KCNJ6: variants seen among roughly 807,000 people sequenced by gnomAD.
KCNJ6 encodes potassium inwardly rectifying channel subfamily J member 6, also known as G protein-activated inward rectifier potassium channel 2.
KCNJ6 carries 9 observed loss-of-function variants against 34.2 expected under a neutral mutation model. The observed-to-expected ratio is 0.26, with a 90% CI of 0.16 to 0.46. The LOEUF is 0.46. KCNJ6 is among the 20% of genes least tolerant of loss of function. KCNJ6 has a pLI of 1.00. For synonymous variants in KCNJ6, 196 were observed against 207.1 expected (o/e 0.95, Z 0.46); for missense variants, 236 against 531.3 (o/e 0.44, Z 5.46).
chr21:37,903,209 G>A (rs2055825003), intron 1 of KCNJ6, among the ~76,000 whole-genome samples: 1 of 152,166 alleles, frequency 6.6e-6, no homozygotes, highest in African/African-American at 2.4e-5. Context: ...TGTCAAGGGT[G>A]GGGCCAGGTG....
chr21:37,909,028 G>A (rs931204503), intron 1 of KCNJ6, among the ~76,000 whole-genome samples: 4 of 152,122 alleles, frequency 2.6e-5, no homozygotes, highest in Non-Finnish European at 4.4e-5. Context: ...TTCTAGGCCC[G>A]GATCATTAAA....
At chr21:37,646,966 C>A (rs1284666630) in intron 3 of KCNJ6, among the ~76,000 whole-genome samples, 1 of 152,174 alleles carries the variant, frequency 6.6e-6, no homozygotes, top group Non-Finnish European at 1.5e-5. Context: ...AGCCACCGTG[C>A]CTGGCCAAGT....
At chr21:37,774,142 G>A (rs1466004820) in intron 2 of KCNJ6, among the ~76,000 whole-genome samples, 5 of 152,154 alleles carry the variant, frequency 3.3e-5, no homozygotes, top group African/African-American at 4.8e-5. Flanking sequence ...AGGTAAGAGT[G>A]AGGGTTCTGG....
At chr21:37,872,864 T>C (rs1210848252) in intron 1 of KCNJ6, among the ~76,000 whole-genome samples, 2 of 152,174 alleles carry the variant, frequency 1.3e-5, no homozygotes, top group Non-Finnish European at 2.9e-5. Flanking sequence ...TGTGTTCTTA[T>C]GAGATCTGCT....
At chr21:37,910,747 G>A (rs2055863271) in intron 1 of KCNJ6, among the ~76,000 whole-genome samples, 1 of 152,114 alleles carries the variant, frequency 6.6e-6, no homozygotes, top group African/African-American at 2.4e-5. Flanking sequence ...GGAGATAATG[G>A]GTTTAATCTG....
intron 1 of KCNJ6, among the ~76,000 whole-genome samples, chr21:37,855,910 G>A (rs912983224): frequency 7.9e-5 from 12 of 152,204 alleles, no homozygotes; most frequent in African/African-American, 1.7e-4. Flanking sequence ...GGCCAAGCAC[G>A]GCCAGGGGCC....
intron 2 of KCNJ6, among the ~76,000 whole-genome samples, chr21:37,821,242 A>T (rs1225535964): frequency 2.6e-5 from 4 of 152,224 alleles, no homozygotes; most frequent in African/African-American, 9.7e-5. Context: ...GACAATTTTA[A>T]CTTAAAGTAA....
chr21:37,785,557 G>GT (rs1442377694), intron 2 of KCNJ6, among the ~76,000 whole-genome samples: 1 of 152,220 alleles, frequency 6.6e-6, no homozygotes, highest in African/African-American at 2.4e-5. Flanking sequence ...AAGTGCATTA[G>GT]TCAGGATGCA....
intron 2 of KCNJ6, among the ~76,000 whole-genome samples, chr21:37,729,853 G>T (rs2054875299): frequency 6.6e-6 from 1 of 152,222 alleles, no homozygotes; most frequent in Admixed American, 6.5e-5. Context: ...GTGGTAATTT[G>T]CACAAAGGCA....
chr21:37,654,105 GTTTT>G lies in KCNJ6; in HGVS notation c.947-28625_947-28622del, dbSNP rs537326162. On this transcript the variant is annotated intron_variant, in intron 3 of 3. Transcript: ENST00000609713. ...CCAAGAAAAAAATTCCACTTTGTGG[GTTTT>G]TTTTTTTTTTTTTTTTTGGTGTGTG... Among the ~76,000 whole-genome samples, 510 of 122,724 alleles carry G rather than the reference GTTTT, an allele frequency of 4.2e-3. 8 individuals are homozygous for G. The highest frequency in any genetic ancestry group is 0.014 in the African/African-American group (469 of 33,126). 80.5% of individuals were successfully genotyped at this position (122,724 alleles called of 152,430 possible).
chr21:37,622,396 A>G lies in KCNJ6; in HGVS notation c.*2763T>C, dbSNP rs913877558. 5 of 152,176 alleles carry G rather than the reference A, an allele frequency of 3.3e-5. No homozygotes were observed. Among genetic ancestry groups the G allele is most frequent in the Non-Finnish European group, 7.3e-5 (5 of 68,044 alleles). 9.4% of individuals were successfully genotyped at this position (152,176 alleles called of 1,614,324 possible). On this transcript the variant is annotated 3_prime_UTR_variant, in exon 4 of 4. Transcript: ENST00000609713. ...TAATGGAAAACACCATTCACTCACT[A>G]CTCGCTGCTTAGAAAATCAGTCTCA...
At position 37,612,706 on chromosome 21, in the gene KCNJ6, C is replaced by T. The variant is rs1055932394; in HGVS notation, c.*12453G>A. Reference sequence around the variant, plus strand: ...AACAAACGGTGTTGAAATAGCTGCACATTTGCACATCCACAGGCAAAAAAA... The same window carrying T: ...AACAAACGGTGTTGAAATAGCTGCATATTTGCACATCCACAGGCAAAAAAA... On this transcript the variant is annotated 3_prime_UTR_variant, in exon 4 of 4. Transcript: ENST00000609713. 1.5e-4 allele frequency: 19 copies of T among 130,544 alleles called. No individual in the cohort carries two copies. Among genetic ancestry groups the T allele is most frequent in the African/African-American group, 5.2e-4 (18 of 34,552 alleles). 8.1% of individuals were successfully genotyped at this position (130,544 alleles called of 1,614,324 possible).
At chr21:37,805,732 C>T (rs2055290470) in intron 2 of KCNJ6, among the ~76,000 whole-genome samples, 1 of 152,108 alleles carries the variant, frequency 6.6e-6, no homozygotes, top group East Asian at 1.9e-4. Flanking sequence ...TAAATTTGGA[C>T]ACAGAGAAAG....
intron 1 of KCNJ6, among the ~76,000 whole-genome samples, chr21:37,889,197 T>C (rs1007107307): frequency 6.6e-6 from 1 of 152,202 alleles, no homozygotes; most frequent in Non-Finnish European, 1.5e-5. Flanking sequence ...TGGGGGCTTG[T>C]GAGCTAAGTG....
chr21:37,693,838 C>G (rs1388667819), intron 3 of KCNJ6, among the ~76,000 whole-genome samples: 1 of 152,140 alleles, frequency 6.6e-6, no homozygotes, highest in Admixed American at 6.5e-5. Context: ...CCACTTTCTT[C>G]CCTCAACCTG....
chr21:37,880,000 T>C (rs1275204320), intron 1 of KCNJ6, among the ~76,000 whole-genome samples: 1 of 151,828 alleles, frequency 6.6e-6, no homozygotes, highest in East Asian at 1.9e-4. Flanking sequence ...TGGCTCACAC[T>C]GTAATCCCAG....
intron 2 of KCNJ6, among the ~76,000 whole-genome samples, chr21:37,731,150 C>T (rs2054882930): frequency 6.7e-6 from 1 of 150,264 alleles, no homozygotes; most frequent in Non-Finnish European, 1.5e-5. Flanking sequence ...CATGTGTGTA[C>T]AAGGTGAGAA....
chr21:37,700,951 C>T (rs563278380), intron 3 of KCNJ6, among the ~76,000 whole-genome samples: 3 of 152,252 alleles, frequency 2.0e-5, no homozygotes, highest in Non-Finnish European at 2.9e-5. Flanking sequence ...CACAAGATGA[C>T]GGCCAGGTCA....
intron 3 of KCNJ6, among the ~76,000 whole-genome samples, chr21:37,668,246 T>C (rs1288922613): frequency 6.6e-6 from 1 of 152,122 alleles, no homozygotes; most frequent in Non-Finnish European, 1.5e-5. Flanking sequence ...TTCAGACCCA[T>C]GTTCAGCCCC....
Sources: gnomAD v4.1 joint callset for allele counts (sites outside exome capture counted in the v4.1 genomes callset) on GRCh38, gnomAD v4.1.1 for gene constraint, MANE v1.5 for transcripts, NCBI Gene and HGNC (gene_info 2026-07-23, HGNC 2026-07-21) for gene names.